NLGN4X: variants seen among roughly 807,000 people sequenced by gnomAD.
The protein encoded by NLGN4X is neuroligin-4, X-linked.
NLGN4X carries 3 observed loss-of-function variants against 40.3 expected under a neutral mutation model. That is an observed-to-expected ratio of 0.07 (90% CI 0.03 to 0.19). The LOEUF is 0.19. Ranked by LOEUF, NLGN4X falls within the 10% of genes least tolerant of loss-of-function variation. The pLI, the probability that NLGN4X is intolerant of heterozygous loss-of-function variation, is 1.00. For synonymous variants in NLGN4X, 270 were observed against 306.8 expected (o/e 0.88, Z 1.25); for missense variants, 382 against 708.3 (o/e 0.54, Z 5.23).
At position 5,899,843 on chromosome X, in the gene NLGN4X, T is replaced by C. The variant is rs1180010438; in HGVS notation, c.1601+3234A>G. Among the ~76,000 whole-genome samples the C allele has an allele frequency of 2.7e-5, 3 of 111,978 alleles. No individual in the cohort carries two copies. In the Admixed American group the frequency reaches 2.8e-4, roughly 11 times the overall value. On this transcript the variant is annotated intron_variant, in intron 5 of 5. Transcript: ENST00000381095. ...CCATAAAATGTATGAGGAATGATTC[T>C]AGCTTTCCACTTAAGATAATCATAT...
chrX:5,940,612 C>CTT (rs1207233233), intron 3 of NLGN4X, among the ~76,000 whole-genome samples: 4 of 92,087 alleles, frequency 4.3e-5, no homozygotes, highest in African/African-American at 1.5e-4. Context: ...AAAAAAAAAA[C>CTT]TTTTTTTTTT....
chrX:6,032,239 A>C (rs1428319951), intron 2 of NLGN4X, among the ~76,000 whole-genome samples: 7 of 82,022 alleles, frequency 8.5e-5, no homozygotes, highest in African/African-American at 3.4e-4. Context: ...CCCCCCCCCC[A>C]AAAAAAATTC....
chrX:6,202,338 CTTTT>C (rs112598776), intron 1 of NLGN4X, among the ~76,000 whole-genome samples: 5 of 92,679 alleles, frequency 5.4e-5, no homozygotes, highest in Admixed American at 1.2e-4. Flanking sequence ...TTTTCATTTT[CTTTT>C]TTTTTTTTTT....
chrX:6,047,624 C>T (rs1482021305), intron 2 of NLGN4X, among the ~76,000 whole-genome samples: 1 of 112,103 alleles, frequency 8.9e-6, no homozygotes, highest in Non-Finnish European at 1.9e-5. Flanking sequence ...ACAAAAAGAG[C>T]TAGACATGGA....
At chrX:5,901,413 C>T (rs1336591543) in intron 5 of NLGN4X, among the ~76,000 whole-genome samples, 1 of 111,611 alleles carries the variant, frequency 9.0e-6, no homozygotes, top group East Asian at 2.8e-4. Context: ...TGGAGGCACA[C>T]ACTGGTAGAA....
chrX:6,219,359 CTTCT>C (rs1408913406), intron 1 of NLGN4X, among the ~76,000 whole-genome samples: 3 of 95,716 alleles, frequency 3.1e-5, no homozygotes, highest in East Asian at 3.2e-4. Flanking sequence ...TCCTTCCTTC[CTTCT>C]TTTTCTCTTC....
chrX:6,119,820 C>T (rs1602265485), intron 2 of NLGN4X, among the ~76,000 whole-genome samples: 1 of 111,435 alleles, frequency 9.0e-6, no homozygotes, highest in Non-Finnish European at 1.9e-5. Flanking sequence ...AATGGCCCAT[C>T]AGTCATGAAG....
chrX:6,156,419 G>A (rs1187065188), intron 1 of NLGN4X, among the ~76,000 whole-genome samples: 4 of 111,371 alleles, frequency 3.6e-5, no homozygotes, highest in African/African-American at 1.3e-4. Flanking sequence ...TGAGGCAGGA[G>A]AATAGCGTGA....
At chrX:5,946,780 G>A (rs2034137265) in intron 3 of NLGN4X, among the ~76,000 whole-genome samples, 1 of 110,854 alleles carries the variant, frequency 9.0e-6, no homozygotes, top group African/African-American at 3.3e-5. Flanking sequence ...TCATGACCCA[G>A]GTACTAAGCC....
intron 3 of NLGN4X, among the ~76,000 whole-genome samples, chrX:5,967,702 G>A (rs193066837): frequency 1.8e-5 from 2 of 111,226 alleles, no homozygotes; most frequent in East Asian, 2.8e-4. Flanking sequence ...TGATGTGCAC[G>A]GGAGAGAAGT....
At chrX:6,093,228 T>C (rs1193042348) in intron 2 of NLGN4X, among the ~76,000 whole-genome samples, 1 of 111,973 alleles carries the variant, frequency 8.9e-6, no homozygotes, top group African/African-American at 3.2e-5. Flanking sequence ...TGGATTTGCA[T>C]AATAAGCAAA....
intron 2 of NLGN4X, among the ~76,000 whole-genome samples, chrX:6,037,305 CA>C (rs113525865): frequency 8.2e-5 from 8 of 98,026 alleles, no homozygotes; most frequent in South Asian, 4.5e-4. Context: ...GACCTTATCA[CA>C]AAAAAAAATA....
intron 2 of NLGN4X, among the ~76,000 whole-genome samples, chrX:6,128,780 T>C (rs763209249): frequency 8.9e-6 from 1 of 112,375 alleles, no homozygotes; most frequent in East Asian, 2.8e-4. Flanking sequence ...AGTATTCCCA[T>C]GTAGCAAACC....
chrX:6,040,582 C>G (rs1384231573), intron 2 of NLGN4X, among the ~76,000 whole-genome samples: 1 of 111,777 alleles, frequency 8.9e-6, no homozygotes, highest in East Asian at 2.8e-4. Context: ...CATAACTCAC[C>G]TGGAATTTAT....
At chrX:5,938,126 G>T (rs760373765) in intron 3 of NLGN4X, among the ~76,000 whole-genome samples, 1 of 111,641 alleles carries the variant, frequency 9.0e-6, no homozygotes, top group East Asian at 2.8e-4. Flanking sequence ...ATACATTTTA[G>T]TCCAGGCTGG....
chrX:6,095,089 A>G (rs2038730618), intron 2 of NLGN4X, among the ~76,000 whole-genome samples: 1 of 50,133 alleles, frequency 2.0e-5, no homozygotes, highest in South Asian at 1.3e-3. Flanking sequence ...CTAAGGCTTT[A>G]AGTACGTGCG....
intron 2 of NLGN4X, among the ~76,000 whole-genome samples, chrX:6,095,271 A>G (rs779337250): frequency 3.9e-4 from 43 of 110,957 alleles, no homozygotes; most frequent in Non-Finnish European, 6.0e-4. Context: ...ATGCAATTCT[A>G]TACTATTGCT....
At chrX:6,050,151 A>T (rs1431340402) in intron 2 of NLGN4X, among the ~76,000 whole-genome samples, 3 of 111,766 alleles carry the variant, frequency 2.7e-5, no homozygotes, top group Non-Finnish European at 5.6e-5. Context: ...GAACAAGAAG[A>T]CCCAGTGTTG....
At chrX:6,066,838 T>C (rs1160195028) in intron 2 of NLGN4X, among the ~76,000 whole-genome samples, 1 of 112,407 alleles carries the variant, frequency 8.9e-6, no homozygotes, top group Non-Finnish European at 1.9e-5. Context: ...CTGGTCACAG[T>C]GGCTCACGCC....
Sources: gnomAD v4.1 joint callset for allele counts (sites outside exome capture counted in the v4.1 genomes callset) on GRCh38, gnomAD v4.1.1 for gene constraint, MANE v1.5 for transcripts, NCBI Gene and HGNC (gene_info 2026-07-23, HGNC 2026-07-21) for gene names.